VWA8: variants seen among roughly 807,000 people sequenced by gnomAD.
VWA8 encodes the protein von Willebrand factor A domain containing 8.
A neutral mutation model predicts 241.5 loss-of-function variants in VWA8; 221 were observed. That is an observed-to-expected ratio of 0.91 (90% CI 0.82 to 1.02). The LOEUF (loss-of-function observed/expected upper bound fraction) is 1.02. Ranked by LOEUF, VWA8 falls within the 50% of genes least tolerant of loss-of-function variation. The probability of loss-of-function intolerance (pLI) is 0.00; values close to 1 mark genes in which losing one functional copy is unlikely to be tolerated. For missense variants in VWA8, 2,322 were observed against 2,328.7 expected, an observed-to-expected ratio of 1.00 and a Z score of 0.06; for synonymous variants, 852 against 827.1, an observed-to-expected ratio of 1.03 and a Z score of -0.52.
intron 21 of VWA8, among the ~76,000 whole-genome samples, chr13:41,755,399 C>T (rs1263038775): frequency 2.6e-5 from 4 of 151,806 alleles, no homozygotes; most frequent in Non-Finnish European, 4.4e-5. Flanking sequence ...ATACTTAGGG[C>T]CCTTGTTAAA....
chr13:41,856,169 C>T (rs1298778514), intron 12 of VWA8, among the ~76,000 whole-genome samples: 1 of 152,000 alleles, frequency 6.6e-6, no homozygotes, highest in East Asian at 1.9e-4. Context: ...AACCCCATCG[C>T]TACTAAAAAT....
intron 37 of VWA8, among the ~76,000 whole-genome samples, chr13:41,624,788 T>TC (rs1399087150): frequency 6.6e-6 from 1 of 151,974 alleles, no homozygotes; most frequent in Non-Finnish European, 1.5e-5. Context: ...CTCTCATTAC[T>TC]CCCATTCCAC....
intron 35 of VWA8, among the ~76,000 whole-genome samples, chr13:41,676,223 G>A (rs1308647558): frequency 6.6e-6 from 1 of 152,096 alleles, no homozygotes; most frequent in East Asian, 1.9e-4. Flanking sequence ...GGTGTCAGTT[G>A]GACCGATTAT....
chr13:41,808,331 C>G (rs781370822), intron 17 of VWA8, among the ~76,000 whole-genome samples: 16 of 152,126 alleles, frequency 1.1e-4, no homozygotes, highest in Non-Finnish European at 2.1e-4. Context: ...TTAATTGGCT[C>G]ATGGTGCTGT....
intron 37 of VWA8, among the ~76,000 whole-genome samples, chr13:41,622,968 G>C (rs1173358469): frequency 6.6e-6 from 1 of 152,176 alleles, no homozygotes. Flanking sequence ...CTTTTAAACA[G>C]AAGTCGGATA....
intron 29 of VWA8, among the ~76,000 whole-genome samples, chr13:41,695,782 C>T (rs1240274572): frequency 6.6e-6 from 1 of 152,096 alleles, no homozygotes; most frequent in African/African-American, 2.4e-5. Flanking sequence ...CTATGGAAGT[C>T]AAGCACAGCT....
intron 2 of VWA8, among the ~76,000 whole-genome samples, chr13:41,923,380 CA>C (rs1566040793): frequency 6.6e-6 from 1 of 152,060 alleles, no homozygotes; most frequent in East Asian, 1.9e-4. Context: ...CACATGTATA[CA>C]TATGTAACTA....
At chr13:41,609,122 T>C (rs951894115) in intron 39 of VWA8, among the ~76,000 whole-genome samples, 14 of 152,180 alleles carry the variant, frequency 9.2e-5, no homozygotes, top group Non-Finnish European at 8.8e-5. Context: ...GTCCTGGGGT[T>C]ATACTAGAGC....
At chr13:41,611,859 A>G in intron 38 of VWA8, 127 bp from the exon 39 acceptor site, 3 of 1,065,766 alleles carry the variant, frequency 2.8e-6, no homozygotes, top group Non-Finnish European at 4.0e-6. Flanking sequence ...TAAACAGTCA[A>G]ATTACCTTCT....
chr13:41,944,564 T>C (rs1279839830), intron 2 of VWA8, among the ~76,000 whole-genome samples: 6 of 152,084 alleles, frequency 3.9e-5, no homozygotes, highest in African/African-American at 1.4e-4. Context: ...CATCCCACCT[T>C]AGCCTCCCAA....
intron 12 of VWA8, among the ~76,000 whole-genome samples, chr13:41,849,246 A>C (rs1178270785): frequency 3.9e-5 from 6 of 152,210 alleles, no homozygotes; most frequent in African/African-American, 7.2e-5. Context: ...AGCATTTAGG[A>C]ATCATAAAAG....
At chr13:41,573,609 G>A (rs56841784) in intron 43 of VWA8, among the ~76,000 whole-genome samples, 11,591 of 105,296 alleles carry the variant, frequency 0.11, 1,103 homozygotes, top group African/African-American at 0.3. Context: ...CTATATATAC[G>A]CATATATATG....
Position 41,615,755 on chromosome 13 carries a change from T to A in VWA8, c.4612-671A>T, listed in dbSNP as rs376373541. Among the ~76,000 whole-genome samples, 31 of 152,348 alleles carry A rather than the reference T, an allele frequency of 2.0e-4. No individual in the cohort carries two copies. The South Asian group carries it at 6.4e-3, about 32-fold the overall frequency. On this transcript the variant is annotated intron_variant, in intron 37 of 44. Transcript: ENST00000379310. ...AGAATAAGAAGTACTTTAGCCTTCC[T>A]CTGTGAGAGCCTGAAGTTCATTGCT...
intron 2 of VWA8, among the ~76,000 whole-genome samples, chr13:41,942,468 T>C (rs1877644491): frequency 6.6e-6 from 1 of 152,130 alleles, no homozygotes; most frequent in Non-Finnish European, 1.5e-5. Context: ...TCACCCCTGG[T>C]AGAATGGCAG....
intron 21 of VWA8, among the ~76,000 whole-genome samples, chr13:41,758,700 C>G (rs1262719014): frequency 2.0e-5 from 3 of 150,740 alleles, no homozygotes. Context: ...ATTGTGCTAG[C>G]TGGCACCTCC....
rs142073927 is a variant in VWA8, at chr13:41,830,579, A to G, written c.1650T>C (p.Tyr550=). 1.2e-6 allele frequency: 2 copies of G among 1,613,844 alleles called. No homozygotes were observed. The highest frequency in any genetic ancestry group is 2.7e-5 in the African/African-American group (2 of 74,922). ...DGSRLLREDR[Y]MRLKEELQLS... is the part of the protein sequence containing the mutation. ...GTTGCAGCTCCTCCTTTAAACGCAT[A>G]TACCTGTCTTCTCTCAGCAGCCTAG... The change falls in exon 14 of 45, where the codon TAT becomes TAC. Residue 550 remains tyrosine (Y), a synonymous_variant. Coordinates refer to ENST00000379310, the MANE Select transcript of VWA8 (RefSeq NM_015058.2).
intron 20 of VWA8, 97 bp from the exon 21 acceptor site, chr13:41,761,301 C>T: frequency 1.8e-6 from 2 of 1,139,274 alleles, no homozygotes; most frequent in Non-Finnish European, 2.6e-6. Context: ...CCTGCTTTCT[C>T]ACCTTGTTAC....
chr13:41,829,668 G>C (rs1029100722), intron 14 of VWA8, among the ~76,000 whole-genome samples: 1 of 152,102 alleles, frequency 6.6e-6, no homozygotes, highest in Admixed American at 6.6e-5. Context: ...ATTATTCTAA[G>C]TGAAGTAACT....
At chr13:41,857,886 C>G (rs1872821612) in intron 12 of VWA8, among the ~76,000 whole-genome samples, 1 of 152,144 alleles carries the variant, frequency 6.6e-6, no homozygotes, top group African/African-American at 2.4e-5. Context: ...TTGAGTAAAG[C>G]AGATGGCCTT....
Sources: allele counts gnomAD v4.1 joint callset (sites outside exome capture counted in the v4.1 genomes callset), GRCh38; gene constraint gnomAD v4.1.1; transcripts MANE v1.5; gene names NCBI Gene and HGNC (gene_info 2026-07-23, HGNC 2026-07-21).